The following FRMPD4 variants were observed in gnomAD, a reference collection of about 807,000 sequenced individuals.
FRMPD4 encodes the protein FERM and PDZ domain-containing protein 4.
A neutral mutation model predicts 94.1 loss-of-function variants in FRMPD4; 22 were observed. The ratio of observed to expected loss-of-function variants is 0.23; its 90% confidence interval spans 0.17 to 0.33. The LOEUF is 0.33. FRMPD4 is among the 10% of genes least tolerant of loss of function. FRMPD4 has a pLI of 1.00. For synonymous variants in FRMPD4, 631 were observed against 548.6 expected, an observed-to-expected ratio of 1.15 and a Z score of -2.10; for missense variants, 1,111 against 1,339.9, an observed-to-expected ratio of 0.83 and a Z score of 2.67.
chrX:12,266,908 A>G (rs2054285280), intron 1 of FRMPD4, among the ~76,000 whole-genome samples: 1 of 112,107 alleles, frequency 8.9e-6, no homozygotes, highest in South Asian at 3.8e-4. Context: ...TGAAGTTGAA[A>G]ATATCATAAA....
intron 1 of FRMPD4, among the ~76,000 whole-genome samples, chrX:11,841,689 T>C (rs2053537994): frequency 9.1e-6 from 1 of 109,329 alleles, no homozygotes; most frequent in African/African-American, 3.3e-5. Context: ...TTCTCCCATG[T>C]TGTAGGTTGC....
chrX:11,980,664 A>G (rs372532309), intron 3 of FRMPD4, among the ~76,000 whole-genome samples: 7 of 111,846 alleles, frequency 6.3e-5, no homozygotes, highest in African/African-American at 1.9e-4. Flanking sequence ...ATATAGGATG[A>G]TGAGCATGTC....
At chrX:12,653,522 A>G (rs983531295) in intron 4 of FRMPD4, among the ~76,000 whole-genome samples, 2 of 111,869 alleles carry the variant, frequency 1.8e-5, no homozygotes, top group South Asian at 7.5e-4. Context: ...TTGAAAAGAC[A>G]GGGGTATTCA....
chrX:12,590,591 T>C (rs2058973220), intron 2 of FRMPD4, among the ~76,000 whole-genome samples: 1 of 112,335 alleles, frequency 8.9e-6, no homozygotes, highest in South Asian at 3.6e-4. Context: ...AATTGAACCT[T>C]AAAAACAAAA....
intron 3 of FRMPD4, among the ~76,000 whole-genome samples, chrX:12,111,102 G>A (rs1323337793): frequency 4.5e-5 from 5 of 111,533 alleles, no homozygotes; most frequent in East Asian, 2.8e-4. Flanking sequence ...AAAAGGGCCC[G>A]CATTCCCAAG....
intron 3 of FRMPD4, among the ~76,000 whole-genome samples, chrX:11,965,483 G>A (rs2054305263): frequency 8.9e-6 from 1 of 111,791 alleles, no homozygotes; most frequent in Non-Finnish European, 1.9e-5. Context: ...ACTTATATCA[G>A]AGTCTAAAAA....
At chrX:12,392,388 C>T (rs1306232974) in intron 1 of FRMPD4, among the ~76,000 whole-genome samples, 1 of 104,327 alleles carries the variant, frequency 9.6e-6, no homozygotes, top group Admixed American at 1.0e-4. Flanking sequence ...CGGTGGCTCA[C>T]GCCTGTAATC....
intron 1 of FRMPD4, among the ~76,000 whole-genome samples, chrX:12,456,980 C>T (rs760636024): frequency 8.9e-6 from 1 of 112,122 alleles, no homozygotes; most frequent in East Asian, 2.8e-4. Context: ...TTGTGATTTT[C>T]CACATGCTCA....
chrX:12,664,373 T>C (rs924786041), intron 4 of FRMPD4, among the ~76,000 whole-genome samples: 26 of 112,349 alleles, frequency 2.3e-4, no homozygotes, highest in Non-Finnish European at 3.9e-4. Context: ...TTGAGATACA[T>C]TCCATCAATA....
intron 3 of FRMPD4, among the ~76,000 whole-genome samples, chrX:12,036,296 T>G (rs981088989): frequency 6.2e-4 from 70 of 112,054 alleles, no homozygotes; most frequent in African/African-American, 2.1e-3. Flanking sequence ...TTGAGAGACA[T>G]TCTACAACAA....
intron 3 of FRMPD4, among the ~76,000 whole-genome samples, chrX:11,914,653 A>G (rs1165621315): frequency 2.7e-5 from 3 of 112,049 alleles, no homozygotes; most frequent in Non-Finnish European, 5.6e-5. Context: ...AACTTTTAAC[A>G]TGCCATTTTG....
At chrX:12,029,866 T>A (rs915599558) in intron 3 of FRMPD4, among the ~76,000 whole-genome samples, 1 of 111,386 alleles carries the variant, frequency 9.0e-6, no homozygotes, top group Non-Finnish European at 1.9e-5. Context: ...AAACAGGCCA[T>A]GTTTACACTT....
rs1352819471 is a variant in FRMPD4 at position 12,710,435 on chromosome X, A to G, written c.1507A>G (p.Asn503Asp). ...TLLMESSDAM[N>D]LACLTAGYYR... ...TCTGATGGAATCCTCAGATGCCATG[A>G]ACCTGGCCTGCTTGACGGCTGGATA... The change falls in exon 14 of 17, where the codon AAC becomes GAC. Residue 503 changes from asparagine (N) to aspartate (D), a missense_variant. Around this residue, in one of 8 missense-constraint regions of FRMPD4, gnomAD observed 111 missense variants for 160.7 expected, o/e 0.69. Transcript: ENST00000675598. The G allele has an allele frequency of 8.3e-7, 1 of 1,201,038 alleles. No individual in the cohort carries two copies. Among genetic ancestry groups the G allele is most frequent in the African/African-American group, 1.8e-5 (1 of 56,762 alleles).
Position 11,985,740 on chromosome X carries a change from T to C in FRMPD4, c.95+107722T>C, listed in dbSNP as rs12559473. On this transcript the variant is annotated intron_variant, in intron 3 of 18. Transcript: ENST00000640291. The stretch of plus-strand genomic sequence containing the variant: ...AGAGCTCTTAGGTTTTAAGTGAACA[T>C]TGGCAGTGGCCTGGTAGAACTCTCT... 2.1e-3 allele frequency among the ~76,000 whole-genome samples: 234 copies of C among 111,499 alleles called. 1 individual carries two copies. Among genetic ancestry groups the C allele is most frequent in the Middle Eastern group, 4.6e-3 (1 of 218 alleles).
intron 1 of FRMPD4, among the ~76,000 whole-genome samples, chrX:12,256,260 G>T (rs185595148): frequency 2.3e-4 from 26 of 111,880 alleles, no homozygotes; most frequent in African/African-American, 8.4e-4. Flanking sequence ...GTTTCATCCA[G>T]AGATGCCCCT....
At chrX:12,614,096 G>GA (rs2148424102) in intron 3 of FRMPD4, 1 of 113,505 alleles carries the variant, frequency 8.8e-6, no homozygotes, top group Admixed American at 9.3e-5. Context: ...ACATGGAGCT[G>GA]TGAGGGAGGA....
chrX:12,434,048 C>T (rs2057037846), intron 1 of FRMPD4, among the ~76,000 whole-genome samples: 1 of 111,795 alleles, frequency 8.9e-6, no homozygotes, highest in Non-Finnish European at 1.9e-5. Flanking sequence ...CTGTAGGAGA[C>T]TAGTGGAAGG....
intron 4 of FRMPD4, among the ~76,000 whole-genome samples, chrX:12,652,667 T>C (rs1301173695): frequency 8.9e-6 from 1 of 112,261 alleles, no homozygotes; most frequent in Non-Finnish European, 1.9e-5. Flanking sequence ...TTCTTTCTCA[T>C]GCATCTGCAA....
intron 3 of FRMPD4, among the ~76,000 whole-genome samples, chrX:11,991,629 C>G (rs1375136545): frequency 1.8e-5 from 2 of 111,535 alleles, no homozygotes; most frequent in Non-Finnish European, 3.8e-5. Flanking sequence ...CTTGTAAAAG[C>G]CTCACCCTTC....
Sources: allele counts gnomAD v4.1 joint callset (sites outside exome capture counted in the v4.1 genomes callset), GRCh38; gene constraint gnomAD v4.1.1; regional missense constraint gnomAD v4.1.1; transcripts MANE v1.5; gene names NCBI Gene and HGNC (gene_info 2026-07-23, HGNC 2026-07-21).